The following AOPEP variants were observed in gnomAD, a reference collection of about 807,000 sequenced individuals.
The protein encoded by AOPEP is aminopeptidase O (putative), also known as aminopeptidase O.
A neutral mutation model predicts 98.1 loss-of-function variants in AOPEP; 77 were observed. The ratio of observed to expected loss-of-function variants is 0.78; its 90% CI spans 0.65 to 0.95. The LOEUF (loss-of-function observed/expected upper bound fraction) is 0.95. Ranked by LOEUF, AOPEP falls within the 40% of genes least tolerant of loss-of-function variation. The probability of loss-of-function intolerance (pLI) is 0.00; values close to 1 mark genes in which losing one functional copy is unlikely to be tolerated. For synonymous variants in AOPEP, 346 were observed against 365.3 expected (o/e 0.95, Z 0.60); for missense variants, 1,024 against 1,024.7 (o/e 1.00, Z 0.01).
At chr9:94,865,732 A>C (rs911890594) in intron 5 of AOPEP, among the ~76,000 whole-genome samples, 1 of 152,222 alleles carries the variant, frequency 6.6e-6, no homozygotes, top group African/African-American at 2.4e-5. Context: ...ACAGCTGCAT[A>C]TGTTTAGAGA....
At chr9:95,114,324 A>G in the AOPEP span, 1 of 395,364 alleles carries the variant, frequency 2.5e-6, no homozygotes, top group Non-Finnish European at 4.8e-6. Context: ...GCTTTTTCCA[A>G]GGCCTCTTCT....
At chr9:94,937,182 G>A (rs2056401055) in intron 7 of AOPEP, among the ~76,000 whole-genome samples, 1 of 152,192 alleles carries the variant, frequency 6.6e-6, no homozygotes, top group Non-Finnish European at 1.5e-5. Flanking sequence ...AGCTCCTCCT[G>A]AAGCTACCTA....
chr9:95,141,782 T>C, the AOPEP span, among the ~76,000 whole-genome samples: 4 of 152,240 alleles, frequency 2.6e-5, no homozygotes, highest in East Asian at 7.7e-4. Flanking sequence ...TTCTGATAGA[T>C]AATGAATTGT....
intron 5 of AOPEP, among the ~76,000 whole-genome samples, chr9:94,849,502 C>CT (rs1483175118): frequency 0.046 from 3,079 of 66,248 alleles, 148 homozygotes; most frequent in African/African-American, 0.13. Context: ...TTCTTTCTTT[C>CT]TTTCTTTTTT....
chr9:94,973,533 C>T (rs889846893), intron 10 of AOPEP, among the ~76,000 whole-genome samples: 3 of 152,178 alleles, frequency 2.0e-5, no homozygotes, highest in African/African-American at 7.2e-5. Flanking sequence ...CTAAGTGTGA[C>T]CAAATTTATA....
At chr9:94,912,010 C>T (rs1295361207) in intron 5 of AOPEP, among the ~76,000 whole-genome samples, 1 of 152,176 alleles carries the variant, frequency 6.6e-6, no homozygotes, top group Non-Finnish European at 1.5e-5. Context: ...GTCAACCACA[C>T]ACACAAGGAC....
intron 7 of AOPEP, among the ~76,000 whole-genome samples, chr9:94,954,098 G>A (rs916661893): frequency 3.9e-5 from 6 of 152,128 alleles, no homozygotes; most frequent in African/African-American, 1.2e-4. Flanking sequence ...TGAGGTGGAC[G>A]GATGGCTTGA....
chr9:95,053,670 A>G (rs1298383929), intron 13 of AOPEP, among the ~76,000 whole-genome samples: 1 of 151,946 alleles, frequency 6.6e-6, no homozygotes, highest in Non-Finnish European at 1.5e-5. Context: ...TATATTACGT[A>G]CACTGTTATT....
intron 10 of AOPEP, 109 bp from the exon 11 acceptor site, chr9:94,979,258 A>G (rs1386563234): frequency 2.9e-6 from 2 of 694,148 alleles, no homozygotes; most frequent in African/African-American, 3.5e-5. Flanking sequence ...AAGCACGGGC[A>G]CTTCTGGAAG....
chr9:95,064,477 G>A (rs1181540883), intron 14 of AOPEP, among the ~76,000 whole-genome samples: 1 of 152,174 alleles, frequency 6.6e-6, no homozygotes, highest in Non-Finnish European at 1.5e-5. Flanking sequence ...TTTTAATAGA[G>A]ACGGGGTTTC....
At chr9:94,779,964 C>T (rs1197129701) in intron 3 of AOPEP, among the ~76,000 whole-genome samples, 2 of 152,218 alleles carry the variant, frequency 1.3e-5, no homozygotes, top group Non-Finnish European at 1.5e-5. Flanking sequence ...CAGTCCTACA[C>T]GTCCCCATGC....
chr9:95,099,965 G>A, the AOPEP span: 12 of 232,388 alleles, frequency 5.2e-5, no homozygotes, highest in Non-Finnish European at 1.0e-4. Context: ...ACTGTCCCAG[G>A]AGTCCCTCCA....
intron 1 of AOPEP, among the ~76,000 whole-genome samples, chr9:94,728,271 A>ACACACACC (rs1554690343): frequency 6.6e-6 from 1 of 151,326 alleles, no homozygotes; most frequent in African/African-American, 2.4e-5. Flanking sequence ...ACACACACAC[A>ACACACACC]CCATCCTTAT....
Position 94,760,495 on chromosome 9 carries a change from A to G in AOPEP, c.712A>G (p.Thr238Ala), listed in dbSNP as rs1045653216. ...QIRKTGAQTA[T>A]DFPHAIRIWY... ...AAGGAAGACAGGGGCTCAGACAGCT[A>G]CTGACTTTCCTCATGCTATCAGGAT... The change falls in exon 2 of 17, where the codon ACT becomes GCT. Residue 238 changes from threonine to alanine, a missense_variant. By Grantham distance (58) the Thr-to-Ala change is moderately conservative (BLOSUM62 0). Transcript: ENST00000375315. The G allele has an allele frequency of 3.1e-6, 5 of 1,610,628 alleles. No homozygotes were observed. The highest frequency in any genetic ancestry group is 4.2e-6 in the Non-Finnish European group (5 of 1,178,902).
At chr9:94,885,519 G>A (rs1456370490) in intron 5 of AOPEP, among the ~76,000 whole-genome samples, 3 of 152,094 alleles carry the variant, frequency 2.0e-5, no homozygotes, top group Admixed American at 6.6e-5. Context: ...TTATCAGCCA[G>A]GCCTGGTGCT....
chr9:95,084,045 C>A (rs2134284511), intron 16 of AOPEP, among the ~76,000 whole-genome samples: 1 of 152,196 alleles, frequency 6.6e-6, no homozygotes, highest in Non-Finnish European at 1.5e-5. Context: ...ATCATTATTT[C>A]TGTGTCTGCT....
intron 1 of AOPEP, among the ~76,000 whole-genome samples, chr9:94,756,047 C>G (rs1409356797): frequency 1.3e-5 from 2 of 152,018 alleles, no homozygotes; most frequent in Non-Finnish European, 2.9e-5. Context: ...ATCACGAGGT[C>G]AGGAGATCAA....
chr9:94,888,952 C>G (rs1168119464), intron 5 of AOPEP, among the ~76,000 whole-genome samples: 1 of 152,154 alleles, frequency 6.6e-6, no homozygotes, highest in African/African-American at 2.4e-5. Context: ...TGTGGTATAC[C>G]ATTGCCTCAA....
chr9:95,123,548 C>T, the AOPEP span: 5 of 535,080 alleles, frequency 9.3e-6, no homozygotes, highest in South Asian at 1.4e-5. Context: ...GAACAACGGT[C>T]GTACCAAAAA....
Sources: gnomAD v4.1 joint callset for allele counts (sites outside exome capture counted in the v4.1 genomes callset) on GRCh38, gnomAD v4.1.1 for gene constraint, MANE v1.5 for transcripts, NCBI Gene and HGNC (gene_info 2026-07-23, HGNC 2026-07-21) for gene names.